OPN5: variants seen among roughly 807,000 people sequenced by gnomAD.
The protein encoded by OPN5 is opsin-5.
Under a neutral mutation model 41.7 loss-of-function variants are expected in OPN5, and 18 were observed. That is an observed-to-expected ratio of 0.43 (90% confidence interval 0.30 to 0.64). The LOEUF (loss-of-function observed/expected upper bound fraction) is 0.64, where lower values mean the gene tolerates loss of function less well. Ranked by LOEUF, OPN5 falls within the 30% of genes least tolerant of loss-of-function variation. The pLI, the probability that OPN5 is intolerant of heterozygous loss-of-function variation, is 0.13. For synonymous variants in OPN5, 178 were observed against 164.3 expected, an observed-to-expected ratio of 1.08 and a Z score of -0.64; for missense variants, 318 against 434.5, an observed-to-expected ratio of 0.73 and a Z score of 2.38.
chr6:47,811,783 C>T (rs1445785023), intron 6 of OPN5, 52 bp downstream of exon 6: 1 of 1,114,958 alleles, frequency 9.0e-7, no homozygotes, highest in Non-Finnish European at 1.4e-6. Context: ...ACTTATTTGC[C>T]TCTTCACTGC....
intron 6 of OPN5, among the ~76,000 whole-genome samples, chr6:47,813,561 T>C (rs1191502077): frequency 6.6e-6 from 1 of 152,096 alleles, no homozygotes; most frequent in East Asian, 1.9e-4. Flanking sequence ...ATATGGATTT[T>C]ACCATGACGG....
At chr6:47,818,019 G>T (rs983740045) in intron 6 of OPN5, among the ~76,000 whole-genome samples, 1 of 152,126 alleles carries the variant, frequency 6.6e-6, no homozygotes, top group African/African-American at 2.4e-5. Flanking sequence ...TTCGCATACA[G>T]CTATATTAGG....
At chr6:47,795,157 T>G in intron 3 of OPN5, 72 bp from the exon 4 acceptor site, 1 of 1,125,904 alleles carries the variant, frequency 8.9e-7, no homozygotes, top group Non-Finnish European at 1.2e-6. Context: ...GAGGTGGAAT[T>G]TGACATATCG....
At chr6:47,786,719 A>T in intron 2 of OPN5, 85 bp downstream of exon 2, 1 of 1,190,484 alleles carries the variant, frequency 8.4e-7, no homozygotes, top group Non-Finnish European at 1.2e-6. Flanking sequence ...TCACCCCCTG[A>T]CATCTCTTCC....
chr6:47,784,283 G>C (rs1231586691), intron 1 of OPN5, among the ~76,000 whole-genome samples: 2 of 140,332 alleles, frequency 1.4e-5, no homozygotes, highest in Non-Finnish European at 3.1e-5. Flanking sequence ...GAATAGGCTA[G>C]TGTAGATGTT....
At chr6:47,821,398 G>C (rs990460709) in intron 6 of OPN5, among the ~76,000 whole-genome samples, 1 of 152,176 alleles carries the variant, frequency 6.6e-6, no homozygotes, top group South Asian at 2.1e-4. Context: ...ATGGAAGTTG[G>C]TCAGAAAAAA....
At chr6:47,809,076 G>A (rs369159519) in intron 5 of OPN5, among the ~76,000 whole-genome samples, 26 of 152,070 alleles carry the variant, frequency 1.7e-4, no homozygotes, top group South Asian at 1.2e-3. Context: ...AAAAGAGTTT[G>A]GGAATCCAGT....
intron 3 of OPN5, chr6:47,795,003 C>T (rs967167396): frequency 4.1e-5 from 19 of 464,560 alleles, no homozygotes; most frequent in Non-Finnish European, 7.3e-5. Flanking sequence ...CCTCCCAAAG[C>T]TCCCAGATGC....
chr6:47,783,472 A>G (rs528535008), intron 1 of OPN5, among the ~76,000 whole-genome samples: 51 of 152,262 alleles, frequency 3.3e-4, no homozygotes, highest in African/African-American at 1.2e-3. Context: ...GAAAGTAGCA[A>G]AACTCATTAG....
At chr6:47,804,300 A>G (rs1225046997) in intron 4 of OPN5, among the ~76,000 whole-genome samples, 1 of 152,176 alleles carries the variant, frequency 6.6e-6, no homozygotes, top group Non-Finnish European at 1.5e-5. Context: ...GCAGTGATAA[A>G]AGTGAAGTAA....
chr6:47,786,584 C>G, exon 2 of OPN5: 1 of 1,611,436 alleles, frequency 6.2e-7, no homozygotes, highest in Non-Finnish European at 8.5e-7. Flanking sequence ...AAGCTGAGAC[C>G]CGCTGAAATA....
intron 4 of OPN5, among the ~76,000 whole-genome samples, chr6:47,804,501 C>T (rs868353543): frequency 1.3e-5 from 2 of 152,144 alleles, no homozygotes; most frequent in Admixed American, 6.5e-5. Context: ...CTGACAAAAA[C>T]GGAGTGTAAC....
At chr6:47,806,037 C>T (rs974717170) in intron 4 of OPN5, among the ~76,000 whole-genome samples, 3 of 151,884 alleles carry the variant, frequency 2.0e-5, no homozygotes, top group African/African-American at 7.3e-5. Context: ...TAGTCCTCTG[C>T]TTGGTCAGAC....
At chr6:47,816,538 G>T (rs1762433915) in intron 6 of OPN5, among the ~76,000 whole-genome samples, 1 of 152,106 alleles carries the variant, frequency 6.6e-6, no homozygotes, top group African/African-American at 2.4e-5. Context: ...TCTTCCTCAG[G>T]ATATAGCAAA....
At chr6:47,806,090 CT>C (rs1285624004) in intron 4 of OPN5, among the ~76,000 whole-genome samples, 1 of 151,830 alleles carries the variant, frequency 6.6e-6, no homozygotes, top group African/African-American at 2.4e-5. Context: ...ATAAAGCAGC[CT>C]AGCAGATTGA....
At chr6:47,824,037 G>A (rs112520783) in exon 7 of OPN5, 246 of 1,484,948 alleles carry the variant, frequency 1.7e-4, no homozygotes, top group African/African-American at 3.3e-4. Context: ...CTTACACGGC[G>A]TCTGGCATAT....
At chr6:47,782,542 T>C (rs948880226) in intron 1 of OPN5, among the ~76,000 whole-genome samples, 2 of 152,196 alleles carry the variant, frequency 1.3e-5, no homozygotes, top group African/African-American at 2.4e-5. Flanking sequence ...TTTTAAATAA[T>C]GTTTTTGACA....
exon 4 of OPN5, chr6:47,795,478 C>A (rs777348536): frequency 1.2e-6 from 2 of 1,613,864 alleles, no homozygotes; most frequent in Admixed American, 1.7e-5. Flanking sequence ...AAGATCATTG[C>A]CAAGGTTAAG....
At chr6:47,784,545 A>T (rs1475473082) in intron 1 of OPN5, among the ~76,000 whole-genome samples, 70 of 151,918 alleles carry the variant, frequency 4.6e-4, no homozygotes, top group Non-Finnish European at 5.9e-5. Context: ...TGATTTGCCC[A>T]CCTCAGCCTC....
Sources: allele counts gnomAD v4.1 joint callset (sites outside exome capture counted in the v4.1 genomes callset), GRCh38; gene constraint gnomAD v4.1.1; transcripts MANE v1.5; gene names NCBI Gene and HGNC (gene_info 2026-07-23, HGNC 2026-07-21).